NAV1: variants seen among roughly 807,000 people sequenced by gnomAD.
NAV1 encodes the protein pore membrane and/or filament interacting like protein 3.
A neutral mutation model predicts 175.2 loss-of-function variants in NAV1; 18 were observed. The ratio of observed to expected loss-of-function variants is 0.10; its 90% CI spans 0.07 to 0.15. NAV1 has a LOEUF of 0.15. Ranked by LOEUF, NAV1 falls within the 10% of genes least tolerant of loss-of-function variation. The probability of loss-of-function intolerance (pLI) is 1.00; values close to 1 mark genes in which losing one functional copy is unlikely to be tolerated. For missense variants in NAV1, 1,731 were observed against 2,436.6 expected (o/e 0.71, Z 6.10); for synonymous variants, 897 against 978.7 (o/e 0.92, Z 1.56).
chr1:201,630,369 C>T (rs1193376769), intron 2 of NAV1, among the ~76,000 whole-genome samples: 1 of 152,204 alleles, frequency 6.6e-6, no homozygotes, highest in Admixed American at 6.5e-5. Context: ...CTGAGATTGT[C>T]CAGAGGGCTT....
chr1:201,826,249 A>T (rs1167187720), exon 30 of NAV1: 1 of 152,164 alleles, frequency 6.6e-6, no homozygotes, highest in Non-Finnish European at 1.5e-5. Context: ...CAGAAGGCTG[A>T]TGGTGGATCC....
chr1:201,643,203 T>C (rs1462042926), intron 2 of NAV1, among the ~76,000 whole-genome samples: 1 of 145,364 alleles, frequency 6.9e-6, no homozygotes, highest in African/African-American at 2.7e-5. Context: ...TCCTTCCTCC[T>C]TCCTTCCCTT....
exon 1 of NAV1, chr1:201,649,283 C>T: frequency 3.1e-6 from 5 of 1,613,170 alleles, no homozygotes; most frequent in Non-Finnish European, 4.2e-6. Context: ...AGCTGCTCTC[C>T]AGCAAGGCCA....
intron 1 of NAV1, among the ~76,000 whole-genome samples, chr1:201,624,732 T>C (rs1321564593): frequency 1.3e-5 from 2 of 152,190 alleles, no homozygotes; most frequent in Non-Finnish European, 2.9e-5. Context: ...AATTATTATA[T>C]AGTTTAGAAA....
At chr1:201,578,680 G>A (rs1666761772) in intron 1 of NAV1, among the ~76,000 whole-genome samples, 1 of 152,200 alleles carries the variant, frequency 6.6e-6, no homozygotes, top group Non-Finnish European at 1.5e-5. Flanking sequence ...TCATGGCCTG[G>A]TGAAGGTGAA....
intron 2 of NAV1, among the ~76,000 whole-genome samples, chr1:201,603,901 A>G (rs1441205398): frequency 6.6e-6 from 1 of 152,178 alleles, no homozygotes; most frequent in Non-Finnish European, 1.5e-5. Context: ...AGTCATAATA[A>G]TGGTGATTAA....
At chr1:201,602,824 A>T (rs932972760) in intron 2 of NAV1, among the ~76,000 whole-genome samples, 1 of 151,764 alleles carries the variant, frequency 6.6e-6, no homozygotes, top group Non-Finnish European at 1.5e-5. Flanking sequence ...ACTCCTGCTG[A>T]CTTTCACCAG....
Position 201,807,884 on chromosome 1 carries a change from C to A in NAV1, c.3649-69C>A. 6.7e-7 allele frequency: 1 copy of A among 1,498,690 alleles called. No individual in the cohort carries two copies. The allele number at this position is 1,498,690 out of a possible 1,614,324, so 92.8% of individuals were successfully genotyped here. A position where few individuals can be genotyped will look rare whatever the true frequency, so the allele number is the denominator to read the frequency against. On this transcript the variant is annotated intron_variant, in intron 17 of 29. Transcript: ENST00000367296. This position sits in a 1 kb window ranked among gnomAD's most constrained non-coding sequence, Gnocchi z 5.4. ...CCAGCTCTCTCTGTCTCAGAAGTCT[C>A]AATCCAGTCCTCCCCCATCCCAGTA...
chr1:201,811,920 C>A, exon 26 of NAV1: 2 of 1,614,118 alleles, frequency 1.2e-6, no homozygotes, highest in Non-Finnish European at 1.7e-6. Flanking sequence ...ATTATAGGTA[C>A]CACCAATCAG....
chr1:201,581,579 A>G (rs1019880778), intron 1 of NAV1, among the ~76,000 whole-genome samples: 1 of 152,158 alleles, frequency 6.6e-6, no homozygotes, highest in Admixed American at 6.5e-5. Flanking sequence ...CTATAATCCC[A>G]GCACTTTGGG....
At chr1:201,651,122 C>CGT (rs60462710) in intron 1 of NAV1, among the ~76,000 whole-genome samples, 6,786 of 129,088 alleles carry the variant, frequency 0.053, 219 homozygotes, top group African/African-American at 0.065. Flanking sequence ...AGGAAGGGAC[C>CGT]GTGTGTGTGT....
At chr1:201,743,178 A>G (rs778755061) in intron 3 of NAV1, among the ~76,000 whole-genome samples, 2 of 152,126 alleles carry the variant, frequency 1.3e-5, no homozygotes, top group Non-Finnish European at 2.9e-5. Flanking sequence ...GGTCTGTCTG[A>G]CTCTAAAGCC....
chr1:201,735,780 C>T (rs965528724), intron 3 of NAV1, among the ~76,000 whole-genome samples: 2 of 152,198 alleles, frequency 1.3e-5, no homozygotes, highest in African/African-American at 4.8e-5. Flanking sequence ...TCTTAGACAT[C>T]TGTCAAGGTC....
chr1:201,817,060 C>T (rs945424809), intron 28 of NAV1, 28 bp from the exon 33 acceptor site: 71 of 1,605,302 alleles, frequency 4.4e-5, no homozygotes, highest in Middle Eastern at 1.7e-4. Flanking sequence ...TAATTCCCCA[C>T]AGTAATCATA....
At chr1:201,540,151 C>T (rs1255682825) in intron 1 of NAV1, among the ~76,000 whole-genome samples, 1 of 152,068 alleles carries the variant, frequency 6.6e-6, no homozygotes, top group South Asian at 2.1e-4. Context: ...ACGCGAGTGG[C>T]GGGTGGCGGG....
chr1:201,615,715 T>C (rs569251241), intron 2 of NAV1, among the ~76,000 whole-genome samples: 1 of 152,248 alleles, frequency 6.6e-6, no homozygotes. Flanking sequence ...TAAAGCCACA[T>C]AGCAGGAAGT....
intron 3 of NAV1, among the ~76,000 whole-genome samples, chr1:201,762,418 C>T (rs1249470106): frequency 6.6e-6 from 1 of 152,176 alleles, no homozygotes; most frequent in Non-Finnish European, 1.5e-5. Context: ...AGTCCACTGC[C>T]TGTTTTTGTA....
intron 1 of NAV1, among the ~76,000 whole-genome samples, chr1:201,569,233 G>A (rs1666457972): frequency 6.6e-6 from 1 of 152,180 alleles, no homozygotes; most frequent in Admixed American, 6.5e-5. Context: ...ATCTTGGGCT[G>A]GATCCTGTGG....
intron 3 of NAV1, among the ~76,000 whole-genome samples, chr1:201,760,137 C>T (rs1345071924): frequency 1.3e-5 from 2 of 152,136 alleles, no homozygotes; most frequent in African/African-American, 4.8e-5. Flanking sequence ...TCAAAATAAT[C>T]CTACTAGGGA....
Sources: gnomAD v4.1 joint callset for allele counts (sites outside exome capture counted in the v4.1 genomes callset) on GRCh38, gnomAD v4.1.1 for gene constraint, Gnocchi (gnomAD v3.1) non-coding constraint, MANE v1.5 for transcripts, NCBI Gene and HGNC (gene_info 2026-07-23, HGNC 2026-07-21) for gene names.